Variants in ZNF385D observed in about 807,000 individuals in gnomAD.
ZNF385D encodes zinc finger protein 659.
Under a neutral mutation model 35.8 loss-of-function variants are expected in ZNF385D, and 15 were observed. That is an observed-to-expected ratio of 0.42 (90% CI 0.28 to 0.64). ZNF385D has a LOEUF of 0.64. Ranked by LOEUF, ZNF385D falls within the 30% of genes least tolerant of loss-of-function variation. ZNF385D has a pLI of 0.23. For missense variants in ZNF385D, 474 were observed against 494.6 expected (o/e 0.96, Z 0.39); for synonymous variants, 212 against 186.8 (o/e 1.13, Z -1.10).
At chr3:22,190,780 C>G (rs1357995805) in intron 2 of ZNF385D, among the ~76,000 whole-genome samples, 1 of 152,024 alleles carries the variant, frequency 6.6e-6, no homozygotes, top group Non-Finnish European at 1.5e-5. Flanking sequence ...AAGGTACAGG[C>G]TATTTTTTTT....
intron 3 of ZNF385D, among the ~76,000 whole-genome samples, chr3:21,802,564 T>C (rs1034545614): frequency 2.0e-5 from 3 of 149,618 alleles, no homozygotes; most frequent in East Asian, 2.0e-4. Flanking sequence ...TAAAAAAAAA[T>C]AGCATCTGCA....
At chr3:21,677,346 G>C (rs2125301756) in intron 1 of ZNF385D, among the ~76,000 whole-genome samples, 1 of 152,100 alleles carries the variant, frequency 6.6e-6, no homozygotes, top group East Asian at 1.9e-4. Context: ...ACCCTCTTGT[G>C]AATTGCAGCC....
chr3:22,267,925 A>G (rs1700978429), intron 2 of ZNF385D, among the ~76,000 whole-genome samples: 1 of 152,004 alleles, frequency 6.6e-6, no homozygotes, highest in Admixed American at 6.6e-5. Context: ...ACGAAAAACA[A>G]AAAGCAAACC....
At chr3:22,234,970 G>A (rs1259704163) in intron 2 of ZNF385D, among the ~76,000 whole-genome samples, 1 of 151,880 alleles carries the variant, frequency 6.6e-6, no homozygotes, top group Non-Finnish European at 1.5e-5. Context: ...TACCAAATAA[G>A]AAAATTTAAG....
intron 3 of ZNF385D, among the ~76,000 whole-genome samples, chr3:22,016,800 T>C (rs919878406): frequency 2.3e-4 from 35 of 152,120 alleles, no homozygotes; most frequent in African/African-American, 8.4e-4. Context: ...ACCTAGTCTA[T>C]CCTGACATCC....
chr3:21,833,758 CCAAT>C (rs1695150004), intron 3 of ZNF385D, among the ~76,000 whole-genome samples: 1 of 152,078 alleles, frequency 6.6e-6, no homozygotes, highest in South Asian at 2.1e-4. Flanking sequence ...GGACAATAAC[CCAAT>C]CAATTAATCT....
chr3:21,850,067 T>C (rs9917822), intron 3 of ZNF385D, among the ~76,000 whole-genome samples: 2,162 of 152,180 alleles, frequency 0.014, 40 homozygotes, highest in African/African-American at 0.049. Flanking sequence ...TGAGTTTAAA[T>C]AGTTGCAAAT....
At chr3:22,091,707 G>T (rs1349793860) in intron 3 of ZNF385D, among the ~76,000 whole-genome samples, 1 of 152,182 alleles carries the variant, frequency 6.6e-6, no homozygotes, top group Non-Finnish European at 1.5e-5. Context: ...GAGAAACTGG[G>T]TCCATTTGTG....
chr3:22,370,044 C>T (rs892592440), intron 2 of ZNF385D, among the ~76,000 whole-genome samples: 4 of 152,162 alleles, frequency 2.6e-5, no homozygotes, highest in Non-Finnish European at 4.4e-5. Context: ...CAAACATTTT[C>T]ATTATTGAAC....
intron 3 of ZNF385D, among the ~76,000 whole-genome samples, chr3:22,059,808 G>A (rs1489613507): frequency 6.6e-6 from 1 of 152,168 alleles, no homozygotes; most frequent in African/African-American, 2.4e-5. Flanking sequence ...GGGATGCTCT[G>A]GTAGTTGGTA....
intron 2 of ZNF385D, among the ~76,000 whole-genome samples, chr3:22,280,247 T>G (rs1422281430): frequency 6.6e-6 from 1 of 152,162 alleles, no homozygotes; most frequent in African/African-American, 2.4e-5. Context: ...TGTTGATTGT[T>G]TCTTCTGCTG....
At chr3:21,681,698 G>GAAAA (rs5847124) in intron 1 of ZNF385D, among the ~76,000 whole-genome samples, 5 of 133,226 alleles carry the variant, frequency 3.8e-5, no homozygotes, top group African/African-American at 1.4e-4. Context: ...AAAAAAAAAC[G>GAAAA]AAAAAAAAAA....
intron 3 of ZNF385D, among the ~76,000 whole-genome samples, chr3:21,883,377 A>G (rs1309881177): frequency 2.6e-5 from 4 of 151,996 alleles, no homozygotes; most frequent in Non-Finnish European, 5.9e-5. Context: ...GATTTTTCTA[A>G]CCAGACAAAT....
chr3:21,716,123 T>A (rs2068308951), intron 1 of ZNF385D, among the ~76,000 whole-genome samples: 1 of 152,112 alleles, frequency 6.6e-6, no homozygotes, highest in African/African-American at 2.4e-5. Context: ...AAAGTACACA[T>A]TTCTTACCAC....
intron 3 of ZNF385D, among the ~76,000 whole-genome samples, chr3:21,961,815 G>C (rs367660167): frequency 2.0e-4 from 31 of 152,188 alleles, no homozygotes; most frequent in African/African-American, 5.5e-4. Context: ...GCACTGGATG[G>C]GATGGGGAGC....
At chr3:21,876,895 G>A (rs1028494614) in intron 3 of ZNF385D, among the ~76,000 whole-genome samples, 1 of 151,994 alleles carries the variant, frequency 6.6e-6, no homozygotes, top group Non-Finnish European at 1.5e-5. Flanking sequence ...ATCTTCCAAA[G>A]AATCATTGTT....
rs528335853 is a variant in ZNF385D, at chr3:22,241,431, T to A, written c.107-72396A>T. 5.9e-5 allele frequency among the ~76,000 whole-genome samples: 9 copies of A among 151,406 alleles called. No individual in the cohort carries two copies. The South Asian group carries it at 1.9e-3, about 33-fold the overall frequency. ...GTCTCTCTGTTCACCTTTACCTGTA[T>A]TTGTTTCTCGTCTGAATCACTAGGT... On this transcript the variant is annotated intron_variant, in intron 2 of 5. Coordinates refer to the ZNF385D transcript ENST00000494108.
At chr3:21,965,092 G>C (rs534998086) in intron 3 of ZNF385D, among the ~76,000 whole-genome samples, 3 of 152,256 alleles carry the variant, frequency 2.0e-5, no homozygotes, top group Admixed American at 2.0e-4. Context: ...AAATTTTAGA[G>C]ACTGAACACA....
intron 2 of ZNF385D, among the ~76,000 whole-genome samples, chr3:22,308,237 C>T (rs950029316): frequency 6.6e-6 from 1 of 151,982 alleles, no homozygotes; most frequent in African/African-American, 2.4e-5. Context: ...GCATTTTATT[C>T]TTCATTTTAG....
Sources: allele counts gnomAD v4.1 joint callset (sites outside exome capture counted in the v4.1 genomes callset), GRCh38; gene constraint gnomAD v4.1.1; transcripts MANE v1.5; gene names NCBI Gene and HGNC (gene_info 2026-07-23, HGNC 2026-07-21).